Variants in SERINC5 observed in about 807,000 individuals in gnomAD.
SERINC5 encodes the protein serine incorporator 5.
A neutral mutation model predicts 63.1 loss-of-function variants in SERINC5; 41 were observed. That is an observed-to-expected ratio of 0.65 (90% CI 0.51 to 0.84). SERINC5 has a LOEUF of 0.84. SERINC5 is among the 40% of genes least tolerant of loss of function. The probability of loss-of-function intolerance (pLI) is 0.00; values close to 1 mark genes in which losing one functional copy is unlikely to be tolerated. For missense variants in SERINC5, 523 were observed against 573.0 expected, an observed-to-expected ratio of 0.91 and a Z score of 0.89; for synonymous variants, 222 against 215.2, an observed-to-expected ratio of 1.03 and a Z score of -0.28.
intron 1 of SERINC5, among the ~76,000 whole-genome samples, chr5:80,237,749 C>T (rs1751760656): frequency 6.6e-6 from 1 of 151,710 alleles, no homozygotes; most frequent in South Asian, 2.1e-4. Flanking sequence ...TGCCACACCC[C>T]TCTGCAAGAA....
At chr5:80,212,720 C>G (rs1750494600) in intron 1 of SERINC5, among the ~76,000 whole-genome samples, 1 of 151,606 alleles carries the variant, frequency 6.6e-6, no homozygotes, top group South Asian at 2.1e-4. Flanking sequence ...CAGGTACTGT[C>G]CTTTATTGAT....
chr5:80,112,508 G>A (rs932479220), intron 12 of SERINC5, among the ~76,000 whole-genome samples: 2 of 152,158 alleles, frequency 1.3e-5, no homozygotes, highest in Non-Finnish European at 2.9e-5. Flanking sequence ...CGGTGCTGGT[G>A]CAGGTCCTCC....
At chr5:80,209,466 T>A (rs1358308864) in intron 1 of SERINC5, among the ~76,000 whole-genome samples, 4 of 152,106 alleles carry the variant, frequency 2.6e-5, no homozygotes, top group Non-Finnish European at 5.9e-5. Flanking sequence ...CCTTCACAAG[T>A]GAGAAGCTGA....
chr5:80,139,564 GC>G lies in SERINC5; in HGVS notation c.*4098del. ...AATATTTCAACCTTTCAAAATGACT[GC>G]CTCTGTGAAAGAGTTGTTGAGAAAG... On this transcript the variant is annotated 3_prime_UTR_variant, in exon 12 of 12. Coordinates refer to ENST00000507668, the MANE Select transcript of SERINC5 (RefSeq NM_001174072.3). The G allele has an allele frequency of 1.0e-6, 1 of 980,414 alleles. No individual in the cohort carries two copies. The highest frequency in any genetic ancestry group is 1.2e-6 in the Non-Finnish European group (1 of 829,836). 60.7% of individuals were successfully genotyped at this position (980,414 alleles called of 1,614,324 possible). A position where few individuals can be genotyped will look rare whatever the true frequency, so the allele number is the denominator to read the frequency against.
At chr5:80,136,044 T>C (rs182309736), downstream of SERINC5, among the ~76,000 whole-genome samples, 118 of 152,220 alleles carry the variant, frequency 7.8e-4, no homozygotes, top group African/African-American at 2.6e-3. Context: ...TTCTATGCAC[T>C]TCCTACTACT....
intron 1 of SERINC5, among the ~76,000 whole-genome samples, chr5:80,244,548 C>T (rs1002808650): frequency 1.3e-5 from 2 of 151,168 alleles, no homozygotes; most frequent in Non-Finnish European, 2.9e-5. Context: ...AACATGGTCT[C>T]GGCCGGGCAC....
intron 2 of SERINC5, among the ~76,000 whole-genome samples, chr5:80,199,739 G>GT (rs1241502932): frequency 6.6e-6 from 1 of 152,100 alleles, no homozygotes; most frequent in Admixed American, 6.6e-5. Flanking sequence ...AATAGATTTT[G>GT]TTTTTTGGAT....
intron 11 of SERINC5, chr5:80,128,909 A>G (rs930899576): frequency 7.2e-5 from 11 of 152,156 alleles, no homozygotes; most frequent in East Asian, 1.9e-4. Flanking sequence ...TTTTAATCCT[A>G]TATCTTTCTG....
rs564114081 is a variant in SERINC5 at position 80,132,590 on chromosome 5, G to A, written c.1238+13500C>T. 8.1e-4 allele frequency among the ~76,000 whole-genome samples: 119 copies of A among 146,246 alleles called. 3 individuals carry two copies. The highest frequency in any genetic ancestry group is 7.2e-3 in the East Asian group (37 of 5,150). On this transcript the variant is annotated intron_variant, in intron 11 of 12. Coordinates refer to the SERINC5 transcript ENST00000509193. ...ATAAACTCTTTACCTATATGCATTT[G>A]CCTTAGTTCTTTTTTTTTTTATTTC...
intron 1 of SERINC5, among the ~76,000 whole-genome samples, chr5:80,241,538 CA>C (rs924238205): frequency 1.3e-5 from 2 of 151,674 alleles, no homozygotes; most frequent in Non-Finnish European, 2.9e-5. Flanking sequence ...GCCCTCTCCT[CA>C]AAAAAAGATA....
At chr5:80,172,661 T>C (rs1011815165) in intron 5 of SERINC5, among the ~76,000 whole-genome samples, 3 of 151,796 alleles carry the variant, frequency 2.0e-5, no homozygotes, top group Non-Finnish European at 2.9e-5. Context: ...TATTCTAACA[T>C]AAAAGGCATA....
At chr5:80,219,765 A>G (rs1750817637) in intron 1 of SERINC5, among the ~76,000 whole-genome samples, 1 of 152,262 alleles carries the variant, frequency 6.6e-6, no homozygotes, top group African/African-American at 2.4e-5. Flanking sequence ...AAAAGGAACC[A>G]GGGCCAAATG....
chr5:80,148,207 T>TTTTTTTTTTTTTGTTG (rs1745948977), intron 9 of SERINC5, among the ~76,000 whole-genome samples: 1 of 147,380 alleles, frequency 6.8e-6, no homozygotes, highest in Admixed American at 6.9e-5. Context: ...TTTTTTTTTT[T>TTTTTTTTTTTTTGTTG]GAGATGGAGA....
chr5:80,230,442 TCA>T (rs1751383834), intron 1 of SERINC5, among the ~76,000 whole-genome samples: 1 of 12,058 alleles, frequency 8.3e-5, no homozygotes, highest in African/African-American at 8.7e-4. Flanking sequence ...AGCAAGACTG[TCA>T]CAAAAAAAAA....
In SERINC5 at chr5:80,146,126, G is replaced by C; in HGVS notation, c.1202C>G (p.Ser401Cys). ...GGTGACGGTCATCATCACATACAGG[G>C]AAGCTAGGAAGAACACGAAGTGGAA... ...SYFHFVFFLA[S>C]LYVMMTVTNW... Residue 401 changes from serine to cysteine, a missense_variant, in exon 11 of 12, where the codon TCC becomes TGC. By Grantham distance (112) the Ser-to-Cys change is moderately radical (BLOSUM62 -1). Transcript: ENST00000507668. The C allele has an allele frequency of 6.2e-7, 1 of 1,614,044 alleles. No homozygotes were observed. Among genetic ancestry groups the C allele is most frequent in the Non-Finnish European group, 8.5e-7 (1 of 1,179,882 alleles).
Position 80,139,437 on chromosome 5 carries a change from G to C in SERINC5, c.*4226C>G. ...ATGTGAATATGATTAAACTCCTATA[G>C]AAGTGGATTGGGACATATGCATTCT... On this transcript the variant is annotated 3_prime_UTR_variant, in exon 12 of 12. Coordinates refer to ENST00000507668, the MANE Select transcript of SERINC5 (RefSeq NM_001174072.3). 2 of 985,152 alleles carry C rather than the reference G, an allele frequency of 2.0e-6. No homozygotes were observed. The highest frequency in any genetic ancestry group is 1.2e-6 in the Non-Finnish European group (1 of 829,758). The allele number at this position is 985,152 out of a possible 1,614,324, so 61.0% of individuals were successfully genotyped here.
At position 80,173,301 on chromosome 5, in the gene SERINC5, T is replaced by TGAAAA. The variant is rs200217250; in HGVS notation, c.551+1648_551+1652dup. Among the ~76,000 whole-genome samples the TGAAAA allele has an allele frequency of 3.3e-5, 5 of 149,970 alleles. No homozygotes were observed. The South Asian group carries it at 8.4e-4, about 25-fold the overall frequency. On this transcript the variant is annotated intron_variant, in intron 5 of 11. Coordinates refer to ENST00000507668, the MANE Select transcript of SERINC5 (RefSeq NM_001174072.3). ...AGGAAGAAAATGAAATGAAATGAAA[T>TGAAAA]GAAAAGAAAAGAAGCCGGGTGCAGT... is the stretch of plus-strand genomic sequence containing the variant.
At position 80,142,938 on chromosome 5, in the gene SERINC5, A is replaced by G; in HGVS notation, c.*725T>C. On this transcript the variant is annotated 3_prime_UTR_variant, in exon 12 of 12. Transcript: ENST00000507668. ...CAGTAACTCGGATCAGGTAGTGATA[A>G]TAAGGTGGGGAACCACCTGGGGGGT... 1.0e-6 allele frequency: 1 copy of G among 985,432 alleles called. No individual in the cohort carries two copies. Among genetic ancestry groups the G allele is most frequent in the Non-Finnish European group, 1.2e-6 (1 of 829,904 alleles). 61.0% of individuals were successfully genotyped at this position (985,432 alleles called of 1,614,324 possible).
At chr5:80,188,418 C>T (rs890283278) in intron 2 of SERINC5, among the ~76,000 whole-genome samples, 2 of 152,104 alleles carry the variant, frequency 1.3e-5, no homozygotes, top group Non-Finnish European at 2.9e-5. Context: ...AACCCAGTGT[C>T]CTTGCCCATC....
Sources: gnomAD v4.1 joint callset for allele counts (sites outside exome capture counted in the v4.1 genomes callset) on GRCh38, gnomAD v4.1.1 for gene constraint, MANE v1.5 for transcripts, NCBI Gene and HGNC (gene_info 2026-07-23, HGNC 2026-07-21) for gene names.